COMMD1: variants seen among roughly 807,000 people sequenced by gnomAD.
The protein encoded by COMMD1 is COMM domain-containing protein 1.
In COMMD1, 10 loss-of-function variants were observed where a neutral mutation model predicts 17.2. The ratio of observed to expected loss-of-function variants is 0.58; its 90% CI spans 0.36 to 0.99. COMMD1 has a LOEUF of 0.99. Among genes scored for constraint, COMMD1 ranks in the 50% least tolerant of loss-of-function variants. The pLI, the probability that COMMD1 is intolerant of heterozygous loss-of-function variation, is 0.01. For missense variants in COMMD1, 270 were observed against 231.8 expected, an observed-to-expected ratio of 1.17 and a Z score of -1.07; for synonymous variants, 97 against 91.6, an observed-to-expected ratio of 1.06 and a Z score of -0.34.
intron 2 of COMMD1, among the ~76,000 whole-genome samples, chr2:62,064,333 C>G (rs185372337): frequency 1.4e-4 from 22 of 152,140 alleles, no homozygotes; most frequent in African/African-American, 4.8e-4. Flanking sequence ...GCCACAACGC[C>G]TGGCTAATTT....
Position 62,055,359 on chromosome 2 carries a change from A to T in COMMD1, c.462+54377A>T, listed in dbSNP as rs138560813. ...AAAGGGGGAAAGACCCAATGATGAGACAGCAGAAGACTCTAAGACTGCCAG... is the reference window on the plus strand; with the variant it reads ...AAAGGGGGAAAGACCCAATGATGAGTCAGCAGAAGACTCTAAGACTGCCAG... On this transcript the variant is annotated intron_variant, in intron 2 of 2. Coordinates refer to ENST00000311832, the MANE Select transcript of COMMD1 (RefSeq NM_152516.4). The T allele has an allele frequency of 1.1e-3, 491 of 448,286 alleles. 4 individuals carry two copies. The highest frequency in any genetic ancestry group is 9.5e-3 in the African/African-American group (467 of 49,250). The allele number at this position is 448,286 out of a possible 1,614,324, so 27.8% of individuals were successfully genotyped here.
At chr2:61,940,723 A>G (rs1374756497) in intron 1 of COMMD1, among the ~76,000 whole-genome samples, 2 of 150,270 alleles carry the variant, frequency 1.3e-5, no homozygotes, top group Middle Eastern at 3.4e-3. Context: ...AGTCTCTGTC[A>G]CCCAGGCTGG....
At chr2:61,975,029 T>G (rs1671756984) in intron 1 of COMMD1, among the ~76,000 whole-genome samples, 2 of 151,986 alleles carry the variant, frequency 1.3e-5, no homozygotes, top group African/African-American at 4.8e-5. Context: ...TCATACAATA[T>G]ATAGCCTTTT....
intron 2 of COMMD1, among the ~76,000 whole-genome samples, chr2:62,108,368 G>A (rs890738272): frequency 6.6e-6 from 1 of 152,020 alleles, no homozygotes; most frequent in Admixed American, 6.6e-5. Flanking sequence ...TATTACATGT[G>A]CATATGGAGG....
intron 2 of COMMD1, among the ~76,000 whole-genome samples, chr2:62,120,377 T>C (rs1053502770): frequency 6.6e-6 from 1 of 152,028 alleles, no homozygotes; most frequent in African/African-American, 2.4e-5. Flanking sequence ...ATCAAATTTG[T>C]TTGCAAATGA....
chr2:61,904,803 C>A (rs1669731564), upstream of COMMD1, among the ~76,000 whole-genome samples: 1 of 152,064 alleles, frequency 6.6e-6, no homozygotes, highest in South Asian at 2.1e-4. Flanking sequence ...TTCATCATGC[C>A]CCAAAGAAAC....
intron 1 of COMMD1, among the ~76,000 whole-genome samples, chr2:61,908,381 A>T (rs1304059533): frequency 6.6e-6 from 1 of 150,708 alleles, no homozygotes; most frequent in Non-Finnish European, 1.5e-5. Flanking sequence ...CATGCACTGC[A>T]GCGCCCAGCT....
intron 2 of COMMD1, among the ~76,000 whole-genome samples, chr2:62,105,522 A>G (rs1672305854): frequency 6.6e-6 from 1 of 152,158 alleles, no homozygotes; most frequent in African/African-American, 2.4e-5. Flanking sequence ...AGGGATTGCC[A>G]CTTTTAAATG....
chr2:62,132,818 C>T (rs761785264), intron 2 of COMMD1, among the ~76,000 whole-genome samples: 7 of 149,854 alleles, frequency 4.7e-5, no homozygotes, highest in Non-Finnish European at 8.9e-5. Context: ...CCAACCTGGG[C>T]GACAGAGCGA....
intron 2 of COMMD1, among the ~76,000 whole-genome samples, chr2:62,039,495 G>A (rs1478529936): frequency 6.6e-6 from 1 of 152,212 alleles, no homozygotes; most frequent in African/African-American, 2.4e-5. Flanking sequence ...GGTGCTGGCT[G>A]ATTTTCTAGC....
chr2:62,055,843 C>T (rs113693005), intron 2 of COMMD1, among the ~76,000 whole-genome samples: 2 of 152,208 alleles, frequency 1.3e-5, no homozygotes, highest in African/African-American at 2.4e-5. Context: ...GATATTGAGG[C>T]ACAATTGATA....
chr2:61,963,296 T>A (rs1237221667), intron 1 of COMMD1, among the ~76,000 whole-genome samples: 2 of 151,926 alleles, frequency 1.3e-5, no homozygotes, highest in Non-Finnish European at 2.9e-5. Flanking sequence ...TATGTGTTGT[T>A]CCACCAAATT....
chr2:62,044,436 C>T (rs1303526841), intron 2 of COMMD1, among the ~76,000 whole-genome samples: 1 of 152,180 alleles, frequency 6.6e-6, no homozygotes, highest in African/African-American at 2.4e-5. Flanking sequence ...CTGCCTTGAT[C>T]CTTTTACTGA....
intron 1 of COMMD1, among the ~76,000 whole-genome samples, chr2:61,998,508 A>G (rs374519648): frequency 6.6e-6 from 1 of 151,948 alleles, no homozygotes; most frequent in Admixed American, 6.6e-5. Flanking sequence ...GATCTGCCCA[A>G]TTCGGCCTCC....
intron 2 of COMMD1, among the ~76,000 whole-genome samples, chr2:62,079,158 A>G (rs934064062): frequency 6.6e-6 from 1 of 152,206 alleles, no homozygotes; most frequent in African/African-American, 2.4e-5. Flanking sequence ...TGTGCAAGAA[A>G]GAATTCAGGG....
At chr2:61,894,665 TG>T in intron 1 of COMMD1, among the ~76,000 whole-genome samples, 1 of 150,992 alleles carries the variant, frequency 6.6e-6, no homozygotes, top group East Asian at 1.9e-4. Context: ...AATAGAATGA[TG>T]ATATATATAT....
chr2:62,041,968 C>T (rs527827229), intron 2 of COMMD1, among the ~76,000 whole-genome samples: 161 of 152,316 alleles, frequency 1.1e-3, no homozygotes, highest in African/African-American at 3.5e-3. Context: ...AGGACCTCAG[C>T]GGCTTGCCGC....
At chr2:62,132,180 C>T (rs1401723893) in intron 2 of COMMD1, among the ~76,000 whole-genome samples, 1 of 152,210 alleles carries the variant, frequency 6.6e-6, no homozygotes, top group Non-Finnish European at 1.5e-5. Flanking sequence ...AGCCACCACA[C>T]CCGGCCTGGA....
chr2:62,042,665 G>T (rs1670264037), intron 2 of COMMD1, among the ~76,000 whole-genome samples: 1 of 152,222 alleles, frequency 6.6e-6, no homozygotes, highest in Non-Finnish European at 1.5e-5. Context: ...CCCGGCGACG[G>T]GCTGAAGGGC....
Sources: allele counts gnomAD v4.1 joint callset (sites outside exome capture counted in the v4.1 genomes callset), GRCh38; gene constraint gnomAD v4.1.1; transcripts MANE v1.5; gene names NCBI Gene and HGNC (gene_info 2026-07-23, HGNC 2026-07-21).